Variants in APLF observed in about 807,000 individuals in gnomAD.
APLF encodes the protein aprataxin and PNK-like factor.
APLF carries 61 observed loss-of-function variants against 55.6 expected under a neutral mutation model. The ratio of observed to expected loss-of-function variants is 1.10; its 90% CI spans 0.89 to 1.36. APLF has a LOEUF of 1.36. APLF is among the 40% of genes most tolerant of loss of function. The pLI is 0.00. For synonymous variants in APLF, 207 were observed against 214.8 expected (o/e 0.96, Z 0.32); for missense variants, 611 against 602.5 (o/e 1.01, Z -0.15).
At chr2:68,525,502 C>G (rs1409770000) in intron 5 of APLF, among the ~76,000 whole-genome samples, 1 of 151,918 alleles carries the variant, frequency 6.6e-6, no homozygotes, top group Non-Finnish European at 1.5e-5. Flanking sequence ...CTAATAATTC[C>G]ATGAATTATA....
intron 8 of APLF, among the ~76,000 whole-genome samples, chr2:68,558,506 A>G (rs1671076279): frequency 6.6e-6 from 1 of 152,222 alleles, no homozygotes; most frequent in Non-Finnish European, 1.5e-5. Flanking sequence ...AAAATGCAAG[A>G]TAAACCATTT....
At chr2:68,536,204 G>A (rs1338577837) in intron 6 of APLF, among the ~76,000 whole-genome samples, 1 of 152,154 alleles carries the variant, frequency 6.6e-6, no homozygotes, top group Non-Finnish European at 1.5e-5. Flanking sequence ...GTATGTTTTA[G>A]AGAGACATGA....
intron 3 of APLF, among the ~76,000 whole-genome samples, chr2:68,511,383 G>C (rs1431298075): frequency 3.3e-5 from 5 of 151,656 alleles, no homozygotes; most frequent in African/African-American, 7.2e-5. Context: ...AAATAAATGT[G>C]TAGTAGAATA....
chr2:68,575,033 A>C (rs1049801837), intron 9 of APLF, among the ~76,000 whole-genome samples: 1 of 152,224 alleles, frequency 6.6e-6, no homozygotes, highest in African/African-American at 2.4e-5. Flanking sequence ...AGAATTGTAC[A>C]CAGATGGGCA....
intron 8 of APLF, among the ~76,000 whole-genome samples, chr2:68,555,568 A>G (rs1424995859): frequency 1.3e-5 from 2 of 152,206 alleles, no homozygotes; most frequent in African/African-American, 4.8e-5. Context: ...AATGCTCAAT[A>G]TCACTAGTGA....
chr2:68,528,573 C>A, intron 6 of APLF: 1 of 1,534,004 alleles, frequency 6.5e-7, no homozygotes. Flanking sequence ...GGCTGCATGT[C>A]CTCCCCCACC....
chr2:68,501,197 TATG>T (rs1573182658), intron 2 of APLF, among the ~76,000 whole-genome samples: 1 of 152,180 alleles, frequency 6.6e-6, no homozygotes, highest in East Asian at 1.9e-4. Flanking sequence ...AGGATAGAAA[TATG>T]ATGTATGGCC....
intron 1 of APLF, among the ~76,000 whole-genome samples, chr2:68,481,779 C>T (rs1015832330): frequency 4.6e-5 from 7 of 152,082 alleles, no homozygotes; most frequent in Middle Eastern, 3.4e-3. Flanking sequence ...TAAATTCAAT[C>T]GGTTTTCTTC....
rs994917233 is a variant in APLF at position 68,578,010 on chromosome 2, G to T, written c.1524G>T (p.Met508Ile). Residue 508 changes from methionine (M) to isoleucine (I), a missense_variant, in exon 10 of 10, where the codon ATG becomes ATT. Coordinates refer to ENST00000303795, the MANE Select transcript of APLF (RefSeq NM_173545.3). The part of the protein sequence containing the change: ...EELLKEAKRF[M>I]KRK ...TTTTGAAAGAAGCAAAAAGGTTTAT[G>T]AAAAGAAAATAGTAACTAACTTCTG... The T allele has an allele frequency of 6.2e-7, 1 of 1,612,262 alleles. No individual in the cohort carries two copies. The highest frequency in any genetic ancestry group is 8.5e-7 in the Non-Finnish European group (1 of 1,179,240).
chr2:68,561,619 G>C lies in APLF; in HGVS notation c.1287-5722G>C, dbSNP rs193033913. The stretch of plus-strand genomic sequence containing the variant: ...TTTCATTGTTTCCTGAGGAAGTAAT[G>C]TGCGTTGTTAATGGCAGGAAATTCT... On this transcript the variant is annotated intron_variant, in intron 8 of 9. Coordinates refer to ENST00000303795, the MANE Select transcript of APLF (RefSeq NM_173545.3). Among the ~76,000 whole-genome samples, 2 of 152,088 alleles carry C rather than the reference G, an allele frequency of 1.3e-5. 1 individual carries two copies. The highest frequency in any genetic ancestry group is 4.1e-4 in the South Asian group (2 of 4,832).
intron 5 of APLF, among the ~76,000 whole-genome samples, chr2:68,518,094 ATT>A (rs1173675345): frequency 7.5e-6 from 1 of 132,558 alleles, no homozygotes; most frequent in Admixed American, 8.5e-5. Flanking sequence ...ATTAATATAT[ATT>A]AATATATAAT....
intron 3 of APLF, among the ~76,000 whole-genome samples, chr2:68,504,120 C>T (rs1573186550): frequency 6.6e-6 from 1 of 151,826 alleles, no homozygotes. Flanking sequence ...AAAAACAAAA[C>T]TGATGCAGGA....
intron 1 of APLF, among the ~76,000 whole-genome samples, chr2:68,485,366 T>A (rs2103897698): frequency 6.6e-6 from 1 of 152,314 alleles, no homozygotes; most frequent in Non-Finnish European, 1.5e-5. Context: ...TTGATTCACA[T>A]TAAACATTTT....
intron 8 of APLF, 88 bp downstream of exon 8, chr2:68,545,400 A>C: frequency 9.6e-4 from 1,355 of 1,409,568 alleles, no homozygotes; most frequent in Non-Finnish European, 1.1e-3. Flanking sequence ...TTGTTATCTC[A>C]AGCCTTTTAA....
chr2:68,473,177 C>A (rs1675672949), intron 1 of APLF, among the ~76,000 whole-genome samples: 1 of 152,122 alleles, frequency 6.6e-6, no homozygotes, highest in Non-Finnish European at 1.5e-5. Flanking sequence ...GCCTATTCAT[C>A]CCCCAGAGGC....
At chr2:68,470,673 C>T (rs1675590434) in intron 1 of APLF, among the ~76,000 whole-genome samples, 1 of 152,086 alleles carries the variant, frequency 6.6e-6, no homozygotes. Context: ...TCAGATTTTT[C>T]TTATTTTGTT....
intron 8 of APLF, among the ~76,000 whole-genome samples, chr2:68,549,070 A>G (rs1452821175): frequency 6.6e-6 from 1 of 151,934 alleles, no homozygotes; most frequent in African/African-American, 2.4e-5. Flanking sequence ...ACATTTCCCT[A>G]TAGTGTCATT....
intron 3 of APLF, among the ~76,000 whole-genome samples, chr2:68,504,094 A>G (rs74762621): frequency 0.025 from 3,863 of 152,062 alleles, 66 homozygotes; most frequent in South Asian, 0.042. Flanking sequence ...GTTAAAATGA[A>G]TGGGTACATT....
intron 8 of APLF, among the ~76,000 whole-genome samples, chr2:68,551,694 CAT>C (rs1227028420): frequency 1.4e-5 from 2 of 138,056 alleles, no homozygotes; most frequent in Non-Finnish European, 3.1e-5. Flanking sequence ...TTTTAAAAAA[CAT>C]ATTAATCTTA....
Sources: allele counts gnomAD v4.1 joint callset (sites outside exome capture counted in the v4.1 genomes callset), GRCh38; gene constraint gnomAD v4.1.1; transcripts MANE v1.5; gene names NCBI Gene and HGNC (gene_info 2026-07-23, HGNC 2026-07-21).